CHST10: variants seen among roughly 807,000 people sequenced by gnomAD.
The protein encoded by CHST10 is HNK-1 sulfotransferase.
In CHST10, 24 loss-of-function variants were observed where a neutral mutation model predicts 34.7. That is an observed-to-expected ratio of 0.69 (90% confidence interval 0.50 to 0.97). The LOEUF is 0.97. Ranked by LOEUF, CHST10 falls within the 50% of genes least tolerant of loss-of-function variation. The probability of loss-of-function intolerance (pLI) is 0.00; values close to 1 mark genes in which losing one functional copy is unlikely to be tolerated. For synonymous variants in CHST10, 161 were observed against 169.3 expected (o/e 0.95, Z 0.38); for missense variants, 402 against 452.1 (o/e 0.89, Z 1.00).
At chr2:100,400,037 G>A (rs758021574) in intron 4 of CHST10, among the ~76,000 whole-genome samples, 2 of 152,108 alleles carry the variant, frequency 1.3e-5, no homozygotes, top group Non-Finnish European at 2.9e-5. Flanking sequence ...TATCCCAAAA[G>A]AGCCTCTCTG....
chr2:100,410,169 C>T (rs1345287620), intron 2 of CHST10, among the ~76,000 whole-genome samples: 1 of 152,268 alleles, frequency 6.6e-6, no homozygotes, highest in African/African-American at 2.4e-5. Flanking sequence ...AGCCTGTGGG[C>T]AGTCACTGCG....
intron 1 of CHST10, chr2:100,415,837 C>G (rs1046681343): frequency 6.6e-6 from 1 of 152,184 alleles, no homozygotes; most frequent in African/African-American, 2.4e-5. Context: ...TTACATAAAC[C>G]TAGATAGTAC....
At position 100,393,691 on chromosome 2, in the gene CHST10, A is replaced by C. The variant is rs772324034; in HGVS notation, c.625T>G (p.Phe209Val). 8.1e-6 allele frequency: 13 copies of C among 1,613,996 alleles called. No homozygotes were observed. The highest frequency in any genetic ancestry group is 2.2e-5 in the East Asian group (1 of 44,898). Residue 209 changes from phenylalanine to valine, a missense_variant, in exon 7 of 7, where the codon TTT becomes GTT. Transcript: ENST00000264249. ...FKDKFVHNPRFEPWYRHEIAP... is the reference protein window; with the variant it reads ...FKDKFVHNPRVEPWYRHEIAP... ...ATCTCATGCCTGTACCAAGGCTCAA[A>C]CCGGGGATTGTGAACAAATTTATCC...
At chr2:100,403,008 T>G (rs1675411040) in intron 3 of CHST10, among the ~76,000 whole-genome samples, 1 of 152,086 alleles carries the variant, frequency 6.6e-6, no homozygotes, top group Non-Finnish European at 1.5e-5. Flanking sequence ...AAAGACAAGC[T>G]CCAGATAGGG....
chr2:100,399,051 C>A (rs1177273618), intron 4 of CHST10, among the ~76,000 whole-genome samples: 1 of 151,882 alleles, frequency 6.6e-6, no homozygotes, highest in Non-Finnish European at 1.5e-5. Context: ...CTAGTTGTGG[C>A]CCTGTTTCTC....
intron 2 of CHST10, among the ~76,000 whole-genome samples, chr2:100,410,766 A>G (rs1024158845): frequency 1.5e-4 from 23 of 152,366 alleles, no homozygotes; most frequent in African/African-American, 5.5e-4. Flanking sequence ...TATGCATTCA[A>G]ATACACTTAC....
chr2:100,416,526 C>T (rs1676075275), intron 1 of CHST10: 2 of 161,092 alleles, frequency 1.2e-5, no homozygotes, highest in Non-Finnish European at 2.7e-5. Context: ...AACCCAGTCA[C>T]TGAAAAGAGT....
intron 2 of CHST10, among the ~76,000 whole-genome samples, chr2:100,409,525 C>T (rs992564043): frequency 6.6e-6 from 1 of 152,132 alleles, no homozygotes; most frequent in African/African-American, 2.4e-5. Flanking sequence ...GGTCTACACT[C>T]ACCCTCTCCC....
chr2:100,413,302 G>A (rs1675925933), intron 2 of CHST10, among the ~76,000 whole-genome samples: 1 of 152,190 alleles, frequency 6.6e-6, no homozygotes, highest in Non-Finnish European at 1.5e-5. Flanking sequence ...CCTCCCTTCG[G>A]TCATGGCGCA....
intron 4 of CHST10, among the ~76,000 whole-genome samples, chr2:100,400,958 G>A (rs573546923): frequency 6.6e-6 from 1 of 152,370 alleles, no homozygotes; most frequent in East Asian, 1.9e-4. Context: ...TGGGATAACA[G>A]GAGTGAGGCA....
chr2:100,415,242 G>A (rs969563986), intron 1 of CHST10, 131 bp from the exon 2 acceptor site: 2 of 379,082 alleles, frequency 5.3e-6, no homozygotes, highest in African/African-American at 4.2e-5. Context: ...TTGGCAGAAT[G>A]GGTCTCTTAC....
At chr2:100,408,660 T>C (rs1675687949) in intron 2 of CHST10, 1 of 151,370 alleles carries the variant, frequency 6.6e-6, no homozygotes. Context: ...GACAGTAGGG[T>C]CTACACCAAG....
At chr2:100,402,829 C>T (rs1281935449) in intron 3 of CHST10, among the ~76,000 whole-genome samples, 174 bp from the exon 4 acceptor site, 1 of 152,230 alleles carries the variant, frequency 6.6e-6, no homozygotes. Context: ...GGTGCTGGGG[C>T]ACCTGGACAT....
intron 2 of CHST10, among the ~76,000 whole-genome samples, chr2:100,414,362 TCACA>T (rs370903480): frequency 1.3e-5 from 2 of 150,258 alleles, no homozygotes; most frequent in African/African-American, 2.5e-5. Flanking sequence ...AAAGGAAACT[TCACA>T]CACACACACA....
At chr2:100,400,701 C>T (rs753683434) in intron 4 of CHST10, among the ~76,000 whole-genome samples, 70 of 152,062 alleles carry the variant, frequency 4.6e-4, no homozygotes, top group Non-Finnish European at 5.0e-4. Context: ...TTTCTGAGAC[C>T]GAGTTTCGCT....
Position 100,395,546 on chromosome 2 carries a change from G to C in CHST10, c.496C>G (p.Arg166Gly), listed in dbSNP as rs1404598687. 1 of 1,614,004 alleles carries C rather than the reference G, an allele frequency of 6.2e-7. No homozygotes were observed. The highest frequency in any genetic ancestry group is 8.5e-7 in the Non-Finnish European group (1 of 1,179,896). ...TCTGCATCACTGAAGGAAGAGAGCC[G>C]AGGAAGGCCGTTCTTCTCGTGGTCG... ...VHDHEKNGLP[R>G]LSSFSDAEIQ... Residue 166 changes from arginine (R) to glycine (G), a missense_variant, in exon 6 of 7, where the codon CGG (arginine) becomes GGG (glycine). Physicochemically the swap from Arg to Gly is moderately radical, Grantham distance 125. Coordinates refer to ENST00000264249, the MANE Select transcript of CHST10 (RefSeq NM_004854.5).
chr2:100,411,682 G>A (rs1675850266), intron 2 of CHST10, among the ~76,000 whole-genome samples: 1 of 152,204 alleles, frequency 6.6e-6, no homozygotes, highest in African/African-American at 2.4e-5. Context: ...TAAAACAGCT[G>A]CCAAGGATAT....
chr2:100,397,590 A>G (rs1373646563), intron 5 of CHST10, among the ~76,000 whole-genome samples: 1 of 152,146 alleles, frequency 6.6e-6, no homozygotes, highest in Non-Finnish European at 1.5e-5. Context: ...TATAACCATC[A>G]GCACAGGGAA....
At chr2:100,415,145 T>A in intron 1 of CHST10, 34 bp from the exon 2 acceptor site, 21 of 1,194,186 alleles carry the variant, frequency 1.8e-5, no homozygotes, top group Non-Finnish European at 2.1e-5. Flanking sequence ...AAAAGCATTA[T>A]TAAAAGTTAC....
Sources: allele counts gnomAD v4.1 joint callset (sites outside exome capture counted in the v4.1 genomes callset), GRCh38; gene constraint gnomAD v4.1.1; transcripts MANE v1.5; gene names NCBI Gene and HGNC (gene_info 2026-07-23, HGNC 2026-07-21).